Variants in PTPRK observed in about 807,000 individuals in gnomAD.
PTPRK encodes the protein protein tyrosine phosphatase receptor type K.
A neutral mutation model predicts 178.0 loss-of-function variants in PTPRK; 75 were observed. The ratio of observed to expected loss-of-function variants is 0.42; its 90% confidence interval spans 0.35 to 0.51. The LOEUF (loss-of-function observed/expected upper bound fraction) is 0.51. Among genes scored for constraint, PTPRK ranks in the 20% least tolerant of loss-of-function variants. PTPRK has a pLI of 0.02. For synonymous variants in PTPRK, 637 were observed against 620.6 expected (o/e 1.03, Z -0.39); for missense variants, 1,441 against 1,797.8 (o/e 0.80, Z 3.59).
At chr6:128,360,752 A>C (rs1461998332) in intron 2 of PTPRK, among the ~76,000 whole-genome samples, 1 of 152,178 alleles carries the variant, frequency 6.6e-6, no homozygotes, top group African/African-American at 2.4e-5. Context: ...ATTAATAGCT[A>C]GGAAACTAAA....
At chr6:128,414,464 T>G (rs1842627941) in intron 1 of PTPRK, among the ~76,000 whole-genome samples, 3 of 152,236 alleles carry the variant, frequency 2.0e-5, no homozygotes, top group Admixed American at 6.5e-5. Context: ...TTTGGTAGTA[T>G]GCACAACTGA....
intron 3 of PTPRK, among the ~76,000 whole-genome samples, chr6:128,258,710 A>AG (rs1298269988): frequency 6.6e-6 from 1 of 152,204 alleles, no homozygotes; most frequent in East Asian, 1.9e-4. Flanking sequence ...AACGAACAGA[A>AG]GGGTAGAGAC....
chr6:127,993,567 C>T (rs1776833567), intron 18 of PTPRK, among the ~76,000 whole-genome samples: 1 of 151,594 alleles, frequency 6.6e-6, no homozygotes, highest in African/African-American at 2.4e-5. Flanking sequence ...CAACTCAATA[C>T]ACATATAAAT....
intron 1 of PTPRK, among the ~76,000 whole-genome samples, chr6:128,460,697 C>A (rs1193822048): frequency 1.3e-5 from 2 of 152,118 alleles, no homozygotes; most frequent in Non-Finnish European, 2.9e-5. Flanking sequence ...CAAAGCACAC[C>A]TAATTTAATG....
At chr6:128,066,939 G>C (rs1167490276) in intron 12 of PTPRK, among the ~76,000 whole-genome samples, 1 of 152,110 alleles carries the variant, frequency 6.6e-6, no homozygotes, top group Non-Finnish European at 1.5e-5. Context: ...GGGAAACAGA[G>C]AGCAGCCTTC....
chr6:128,289,159 G>A (rs566262525), intron 3 of PTPRK, among the ~76,000 whole-genome samples: 1 of 152,034 alleles, frequency 6.6e-6, no homozygotes, highest in East Asian at 1.9e-4. Flanking sequence ...CTGAGTGGTA[G>A]GGCCCTTGGA....
intron 5 of PTPRK, chr6:128,230,976 G>C (rs1812198333): frequency 6.6e-6 from 1 of 152,110 alleles, no homozygotes; most frequent in Non-Finnish European, 1.5e-5. Flanking sequence ...TATTAAAGAA[G>C]GAAAAGAAAG....
intron 6 of PTPRK, among the ~76,000 whole-genome samples, chr6:128,203,234 G>T (rs1003613218): frequency 6.6e-6 from 1 of 152,078 alleles, no homozygotes; most frequent in Non-Finnish European, 1.5e-5. Flanking sequence ...ATCTCTTCAG[G>T]TTAAAAACTC....
chr6:128,471,501 A>T (rs926376938), intron 1 of PTPRK, among the ~76,000 whole-genome samples: 1 of 151,054 alleles, frequency 6.6e-6, no homozygotes, highest in African/African-American at 2.4e-5. Context: ...AGAGATGGAC[A>T]GGGATAATAT....
chr6:128,012,068 T>C (rs1779119934), intron 13 of PTPRK, among the ~76,000 whole-genome samples: 1 of 151,320 alleles, frequency 6.6e-6, no homozygotes. Flanking sequence ...AACATAATTA[T>C]TAAACTTAAG....
intron 15 of PTPRK, among the ~76,000 whole-genome samples, chr6:128,003,466 G>T (rs1778069178): frequency 6.6e-6 from 1 of 151,348 alleles, no homozygotes; most frequent in African/African-American, 2.4e-5. Context: ...AAAGCCAGAA[G>T]ATTAAACTTG....
chr6:128,116,287 A>G (rs1374706837), intron 7 of PTPRK, among the ~76,000 whole-genome samples: 1 of 152,138 alleles, frequency 6.6e-6, no homozygotes, highest in East Asian at 1.9e-4. Context: ...TTTAATTTAG[A>G]ATTAATTAGT....
chr6:128,351,662 T>A (rs185541468), intron 2 of PTPRK, among the ~76,000 whole-genome samples: 1 of 152,280 alleles, frequency 6.6e-6, no homozygotes, highest in East Asian at 1.9e-4. Flanking sequence ...CTTTCAAACA[T>A]TTTGTTCATG....
At chr6:128,334,352 G>C (rs1286595719) in intron 2 of PTPRK, among the ~76,000 whole-genome samples, 3 of 152,148 alleles carry the variant, frequency 2.0e-5, no homozygotes, top group African/African-American at 4.8e-5. Flanking sequence ...ACTGAATGAT[G>C]TAAGTTTCCT....
At chr6:128,130,946 A>T (rs538089539) in intron 7 of PTPRK, among the ~76,000 whole-genome samples, 2 of 152,306 alleles carry the variant, frequency 1.3e-5, no homozygotes, top group East Asian at 3.9e-4. Context: ...TTGTTGCATG[A>T]ATGAGTATTG....
chr6:128,325,566 A>T (rs894289157), intron 2 of PTPRK, among the ~76,000 whole-genome samples: 1 of 152,256 alleles, frequency 6.6e-6, no homozygotes, highest in Non-Finnish European at 1.5e-5. Context: ...AAACATAAAA[A>T]AAAAGGTCAT....
At chr6:128,357,496 CTACATTT>C (rs929222440) in intron 2 of PTPRK, among the ~76,000 whole-genome samples, 7 of 152,076 alleles carry the variant, frequency 4.6e-5, no homozygotes, top group African/African-American at 1.7e-4. Context: ...GGGAGGAGAC[CTACATTT>C]CAGGTCTAGG....
chr6:127,990,626 A>G (rs980261038), intron 21 of PTPRK, 143 bp downstream of exon 21: 3 of 623,820 alleles, frequency 4.8e-6, no homozygotes, highest in Non-Finnish European at 8.5e-6. Context: ...TCTGGCACAT[A>G]GTAAACTCTC....
chr6:128,395,003 T>C (rs373650554), intron 2 of PTPRK, among the ~76,000 whole-genome samples: 2 of 152,246 alleles, frequency 1.3e-5, no homozygotes, highest in South Asian at 4.1e-4. Context: ...TTTTGTTTGT[T>C]TTGTTTTTGT....
Sources: gnomAD v4.1 joint callset for allele counts (sites outside exome capture counted in the v4.1 genomes callset) on GRCh38, gnomAD v4.1.1 for gene constraint, MANE v1.5 for transcripts, NCBI Gene and HGNC (gene_info 2026-07-23, HGNC 2026-07-21) for gene names.